SARNP: variants seen among roughly 807,000 people sequenced by gnomAD.
SARNP encodes SAP domain containing ribonucleoprotein, also known as SAP domain-containing ribonucleoprotein.
A neutral mutation model predicts 38.1 loss-of-function variants in SARNP; 5 were observed. That is an observed-to-expected ratio of 0.13 (90% CI 0.07 to 0.28). The LOEUF is 0.28. SARNP is among the 10% of genes least tolerant of loss of function. The probability of loss-of-function intolerance (pLI) is 1.00; values close to 1 mark genes in which losing one functional copy is unlikely to be tolerated. For synonymous variants in SARNP, 84 were observed against 80.6 expected, an observed-to-expected ratio of 1.04 and a Z score of -0.23; for missense variants, 180 against 243.9, an observed-to-expected ratio of 0.74 and a Z score of 1.75.
intron 9 of SARNP, among the ~76,000 whole-genome samples, chr12:55,779,585 G>A (rs1879282751): frequency 1.3e-5 from 2 of 152,134 alleles, no homozygotes; most frequent in African/African-American, 4.8e-5. Flanking sequence ...AAAGTTCCAT[G>A]TTGGTAATAT....
intron 9 of SARNP, among the ~76,000 whole-genome samples, chr12:55,774,558 T>TAAAAAAA (rs1565673497): frequency 0.011 from 448 of 40,488 alleles, 35 homozygotes; most frequent in Middle Eastern, 0.036. Context: ...CCGTCTCTAC[T>TAAAAAAA]GAAAAAAAAA....
At chr12:55,787,772 G>A (rs760619559) in intron 9 of SARNP, among the ~76,000 whole-genome samples, 1 of 144,552 alleles carries the variant, frequency 6.9e-6, no homozygotes, top group Admixed American at 7.0e-5. Context: ...TTCTTGAGAC[G>A]GAGTCTCGCT....
intron 4 of SARNP, among the ~76,000 whole-genome samples, chr12:55,798,853 C>T (rs1475194366): frequency 6.6e-6 from 1 of 152,058 alleles, no homozygotes; most frequent in African/African-American, 2.4e-5. Context: ...ATAAGCTAAA[C>T]AAAAAGAGAC....
At chr12:55,788,456 A>C (rs115994511) in intron 9 of SARNP, among the ~76,000 whole-genome samples, 1 of 152,144 alleles carries the variant, frequency 6.6e-6, no homozygotes, top group East Asian at 1.9e-4. Flanking sequence ...AGTAGATGTA[A>C]TAAGTTTTAA....
intron 7 of SARNP, 85 bp downstream of exon 7, chr12:55,794,274 C>T: frequency 8.3e-7 from 1 of 1,207,374 alleles, no homozygotes; most frequent in Non-Finnish European, 1.2e-6. Flanking sequence ...AGCAAATTTA[C>T]CTTATTTTGG....
At chr12:55,794,588 T>C (rs1565679577) in intron 6 of SARNP, among the ~76,000 whole-genome samples, 1 of 152,208 alleles carries the variant, frequency 6.6e-6, no homozygotes, top group African/African-American at 2.4e-5. Context: ...AGTCAGTTCC[T>C]GGCTTTAACT....
At chr12:55,784,504 C>T (rs371186654) in intron 9 of SARNP, among the ~76,000 whole-genome samples, 47 of 152,310 alleles carry the variant, frequency 3.1e-4, no homozygotes, top group African/African-American at 1.1e-3. Context: ...CCTTACTTTT[C>T]TTATGTCTTA....
chr12:55,810,058 A>G (rs1332849050), intron 1 of SARNP, among the ~76,000 whole-genome samples: 2 of 152,230 alleles, frequency 1.3e-5, no homozygotes, highest in African/African-American at 2.4e-5. Context: ...GAGAAAAGAC[A>G]TATCAACTTA....
intron 9 of SARNP, among the ~76,000 whole-genome samples, chr12:55,772,571 C>T (rs1157763404): frequency 6.6e-6 from 1 of 152,144 alleles, no homozygotes; most frequent in Non-Finnish European, 1.5e-5. Context: ...ATGAAGGTGT[C>T]ACACTTGACA....
In SARNP at chr12:55,757,426, T is replaced by C. The variant is rs1196986135; in HGVS notation, c.*86A>G. On this transcript the variant is annotated 3_prime_UTR_variant, in exon 11 of 11. Transcript: ENST00000336133. ...CATTGCGAGGCAGGACGTAGGCACA[T>C]GACTGTGCATTTAGGCATATATGTG... The C allele has an allele frequency of 8.6e-7, 1 of 1,168,582 alleles. No homozygotes were observed. Among genetic ancestry groups the C allele is most frequent in the Non-Finnish European group, 1.2e-6 (1 of 812,352 alleles). The allele number at this position is 1,168,582 out of a possible 1,614,324, so 72.4% of individuals were successfully genotyped here. A position where few individuals can be genotyped will look rare whatever the true frequency, so the allele number is the denominator to read the frequency against.
chr12:55,794,484 G>C lies in SARNP; in HGVS notation c.378-97C>G, dbSNP rs1305421881. The C allele has an allele frequency of 4.7e-6, 5 of 1,061,272 alleles. No individual in the cohort carries two copies. In the Admixed American group the frequency reaches 9.2e-5, roughly 20 times the overall value. 65.7% of individuals were successfully genotyped at this position (1,061,272 alleles called of 1,614,324 possible). On this transcript the variant is annotated intron_variant, in intron 6 of 10. Coordinates refer to ENST00000336133, the MANE Select transcript of SARNP (RefSeq NM_033082.4). ...TATACATATGACACTTCTTGCTTGT[G>C]ATCTCAAGCCTTGCAATCATTAGCT...
At chr12:55,785,211 G>C (rs558701776) in intron 9 of SARNP, among the ~76,000 whole-genome samples, 1 of 152,072 alleles carries the variant, frequency 6.6e-6, no homozygotes, top group Non-Finnish European at 1.5e-5. Context: ...TATGCTATAC[G>C]TATTGACAAT....
intron 10 of SARNP, among the ~76,000 whole-genome samples, chr12:55,759,593 A>T (rs1287440413): frequency 6.6e-6 from 1 of 151,920 alleles, no homozygotes; most frequent in Non-Finnish European, 1.5e-5. Flanking sequence ...TTAAATAAGT[A>T]AATAAATAAA....
rs758504494 is a variant in SARNP, at chr12:55,794,849, A to C, written c.335T>G (p.Val112Gly). The change falls in exon 6 of 11, where the codon GTA becomes GGA. Residue 112 changes from valine (V) to glycine (G), a missense_variant. This residue lies in a region of SARNP where 161 missense variants were observed against 194.1 expected (regional missense o/e 0.83). Coordinates refer to ENST00000336133, the MANE Select transcript of SARNP (RefSeq NM_033082.4). Reference sequence around the variant, plus strand: ...TTTCTTACTCTCCAAGCTCACAGGTACATTGAATCGTTCAGCCCTCTTCTG... The same window carrying C: ...TTTCTTACTCTCCAAGCTCACAGGTCCATTGAATCGTTCAGCCCTCTTCTG... The part of the protein sequence containing the change: ...RMQKRAERFN[V>G]PVSLESKKAA... 1 of 1,610,756 alleles carries C rather than the reference A, an allele frequency of 6.2e-7. No individual in the cohort carries two copies. Among genetic ancestry groups the C allele is most frequent in the Admixed American group, 1.7e-5 (1 of 59,824 alleles).
chr12:55,764,344 C>T (rs1302622662), intron 9 of SARNP, among the ~76,000 whole-genome samples: 1 of 151,874 alleles, frequency 6.6e-6, no homozygotes, highest in Admixed American at 6.6e-5. Flanking sequence ...CCAGCCTGAC[C>T]AACATGGAGA....
chr12:55,802,113 T>C (rs552018062), intron 2 of SARNP, among the ~76,000 whole-genome samples: 3 of 152,302 alleles, frequency 2.0e-5, no homozygotes, highest in African/African-American at 4.8e-5. Context: ...CTTAGGCCAC[T>C]TGATAGGACA....
intron 9 of SARNP, among the ~76,000 whole-genome samples, chr12:55,784,025 A>G (rs1185794193): frequency 6.6e-6 from 1 of 152,182 alleles, no homozygotes; most frequent in Non-Finnish European, 1.5e-5. Flanking sequence ...TACACTGATC[A>G]GTAGCCAAGT....
intron 9 of SARNP, among the ~76,000 whole-genome samples, chr12:55,771,861 T>A (rs1879018677): frequency 6.6e-6 from 1 of 152,148 alleles, no homozygotes. Context: ...CTGGGGGCTT[T>A]CAGGCGATGG....
At chr12:55,799,851 C>T (rs541668669) in intron 4 of SARNP, among the ~76,000 whole-genome samples, 2 of 151,050 alleles carry the variant, frequency 1.3e-5, no homozygotes, top group South Asian at 4.2e-4. Context: ...CGTGCCTGGC[C>T]TCAGTTTTAC....
Sources: gnomAD v4.1 joint callset for allele counts (sites outside exome capture counted in the v4.1 genomes callset) on GRCh38, gnomAD v4.1.1 for gene constraint, gnomAD v4.1.1 regional missense constraint, MANE v1.5 for transcripts, NCBI Gene and HGNC (gene_info 2026-07-23, HGNC 2026-07-21) for gene names.